ETV1: variants seen among roughly 807,000 people sequenced by gnomAD.
ETV1 encodes ETS translocation variant 1.
In ETV1, 27 loss-of-function variants were observed where a neutral mutation model predicts 62.3. The observed-to-expected ratio is 0.43, with a 90% CI of 0.32 to 0.60. The LOEUF (loss-of-function observed/expected upper bound fraction) is 0.60, where lower values mean the gene tolerates loss of function less well. Among genes scored for constraint, ETV1 ranks in the 20% least tolerant of loss-of-function variants. The pLI, the probability that ETV1 is intolerant of heterozygous loss-of-function variation, is 0.06. For missense variants in ETV1, 605 were observed against 605.8 expected (o/e 1.00, Z 0.01); for synonymous variants, 222 against 199.6 (o/e 1.11, Z -0.94).
Position 13,977,458 on chromosome 7 carries a change from C to T in ETV1, c.204G>A (p.Glu68=), listed in dbSNP as rs377305910. 1.8e-4 allele frequency: 273 copies of T among 1,547,134 alleles called. No homozygotes were observed. The highest frequency in any genetic ancestry group is 1.2e-3 in the Middle Eastern group (7 of 5,920). ...LAEAQVPDND[E]QFVPDYQAES... ...CAGCCTGATAGTCTGGTACAAACTG[C>T]TCATCATTGTCAGGTACCTGAGCTG... Residue 68 remains glutamate, a synonymous_variant, in exon 6 of 14, where the codon GAG becomes GAA. Coordinates refer to ENST00000430479, the MANE Select transcript of ETV1 (RefSeq NM_004956.5).
At chr7:13,928,652 A>C (rs998479729) in intron 9 of ETV1, among the ~76,000 whole-genome samples, 3 of 150,048 alleles carry the variant, frequency 2.0e-5, no homozygotes, top group African/African-American at 4.9e-5. Context: ...TCTTTTTGGT[A>C]TTATACATAT....
intron 5 of ETV1, among the ~76,000 whole-genome samples, chr7:13,978,213 G>A (rs933171679): frequency 2.0e-5 from 3 of 152,162 alleles, no homozygotes; most frequent in Middle Eastern, 3.4e-3. Context: ...GTCAAAAGAC[G>A]TTCCTATTTT....
At chr7:13,927,939 G>A (rs1295372954) in intron 9 of ETV1, among the ~76,000 whole-genome samples, 1 of 152,058 alleles carries the variant, frequency 6.6e-6, no homozygotes, top group Non-Finnish European at 1.5e-5. Flanking sequence ...AATTTAAAAG[G>A]GAGAATGCAA....
Position 13,985,088 on chromosome 7 carries a change from C to T in ETV1, c.181+1550G>A, listed in dbSNP as rs573724639. Among the ~76,000 whole-genome samples the T allele has an allele frequency of 6.6e-5, 10 of 152,108 alleles. No homozygotes were observed. The South Asian group carries it at 2.1e-3, about 32-fold the overall frequency. On this transcript the variant is annotated intron_variant, in intron 5 of 13. Coordinates refer to ENST00000430479, the MANE Select transcript of ETV1 (RefSeq NM_004956.5). ...ATTTAAACATCTAAGAACCAACAAA[C>T]CTTCCAGAACAATTAAAATAGATAT...
intron 9 of ETV1, among the ~76,000 whole-genome samples, chr7:13,921,301 T>C (rs1170405865): frequency 1.3e-5 from 2 of 152,208 alleles, no homozygotes; most frequent in African/African-American, 4.8e-5. Context: ...ATTGCTGCCC[T>C]GGAAATTACT....
At chr7:13,969,415 T>G (rs1780642173) in intron 6 of ETV1, among the ~76,000 whole-genome samples, 1 of 152,226 alleles carries the variant, frequency 6.6e-6, no homozygotes, top group Non-Finnish European at 1.5e-5. Context: ...AGAAACTGAT[T>G]GCCTCTATCA....
At chr7:13,977,103 T>C (rs1781523716) in intron 6 of ETV1, among the ~76,000 whole-genome samples, 1 of 152,194 alleles carries the variant, frequency 6.6e-6, no homozygotes, top group Admixed American at 6.5e-5. Flanking sequence ...GAAGTAAACA[T>C]GTGCATGTTC....
intron 12 of ETV1, 25 bp downstream of exon 12, chr7:13,906,405 C>T (rs775856362): frequency 6.9e-7 from 1 of 1,459,618 alleles, no homozygotes; most frequent in South Asian, 1.5e-5. Context: ...GTCTGAGTGT[C>T]CTAATTAAAA....
intron 12 of ETV1, among the ~76,000 whole-genome samples, chr7:13,904,690 C>A (rs992743611): frequency 1.3e-5 from 2 of 151,852 alleles, no homozygotes; most frequent in African/African-American, 4.8e-5. Context: ...TGATACAAAT[C>A]CCTGTAGAAA....
chr7:13,969,410 CTGAT>C (rs1190887346), intron 6 of ETV1, among the ~76,000 whole-genome samples: 1 of 152,084 alleles, frequency 6.6e-6, no homozygotes, highest in Non-Finnish European at 1.5e-5. Context: ...TTTCCAGAAA[CTGAT>C]TGCCTCTATC....
At chr7:13,931,373 A>G (rs977035302) in intron 9 of ETV1, 129 bp downstream of exon 9, 2 of 976,408 alleles carry the variant, frequency 2.0e-6, no homozygotes, top group African/African-American at 3.3e-5. Context: ...GTTTCAATGA[A>G]CGGACAAAAT....
At chr7:13,956,224 A>C (rs150906656) in intron 6 of ETV1, among the ~76,000 whole-genome samples, 17 of 152,252 alleles carry the variant, frequency 1.1e-4, no homozygotes, top group Admixed American at 1.0e-3. Flanking sequence ...TTTTCACCCT[A>C]TTTATAATAA....
intron 11 of ETV1, among the ~76,000 whole-genome samples, chr7:13,909,205 T>C (rs1783301242): frequency 6.6e-6 from 1 of 150,588 alleles, no homozygotes. Context: ...CTGTGTTCCA[T>C]AATGCATCTT....
rs549935001 is a variant in ETV1 at position 13,931,175 on chromosome 7, G to C, written c.802+327C>G. Among the ~76,000 whole-genome samples, 4 of 152,162 alleles carry C rather than the reference G, an allele frequency of 2.6e-5. No individual in the cohort carries two copies. The South Asian group carries it at 8.3e-4, about 32-fold the overall frequency. On this transcript the variant is annotated intron_variant, in intron 9 of 13. Transcript: ENST00000430479. ...AACATTTTTATTAAGTAGCACTGTA[G>C]TAGCAAAATAAGAAGAAAAAAAAGT...
intron 6 of ETV1, among the ~76,000 whole-genome samples, chr7:13,962,850 C>A (rs1790349301): frequency 6.6e-6 from 1 of 152,070 alleles, no homozygotes; most frequent in African/African-American, 2.4e-5. Flanking sequence ...GATAAATTTT[C>A]CATTTTTCTT....
chr7:13,927,807 A>T (rs961886761), intron 9 of ETV1, among the ~76,000 whole-genome samples: 1 of 152,210 alleles, frequency 6.6e-6, no homozygotes, highest in Admixed American at 6.5e-5. Context: ...TATTTATTTT[A>T]AATCCTGTCA....
rs1274578649 is a variant in ETV1, at chr7:13,900,778, C to T, written c.1172G>A (p.Arg391His). The T allele has an allele frequency of 3.7e-6, 6 of 1,611,536 alleles. No homozygotes were observed. Among genetic ancestry groups the T allele is most frequent in the Non-Finnish European group, 4.2e-6 (5 of 1,178,824 alleles). Residue 391 changes from arginine to histidine, a missense_variant, in exon 13 of 14, where the codon CGT (arginine) becomes CAT (histidine). Physicochemically the swap from Arg to His is conservative, Grantham distance 29 (BLOSUM62 0). Around this residue, in one of 3 missense-constraint regions of ETV1, gnomAD observed 100 missense variants for 156.4 expected, o/e 0.64. Transcript: ENST00000430479. ...RPAMNYDKLS[R>H]SLRYYYEKGI... ...TTTCTCATAGTAATAGCGGAGTGAA[C>T]GGCTAAGTTTATCATAGTTCATAGC...
chr7:13,973,282 C>A (rs1443677468), intron 6 of ETV1, among the ~76,000 whole-genome samples: 1 of 152,148 alleles, frequency 6.6e-6, no homozygotes, highest in Non-Finnish European at 1.5e-5. Flanking sequence ...TGCAAGGAAA[C>A]CTGATTACTC....
chr7:13,908,501 T>A, intron 11 of ETV1, among the ~76,000 whole-genome samples: 1 of 152,162 alleles, frequency 6.6e-6, no homozygotes, highest in Admixed American at 6.5e-5. Context: ...CTGCTAATGT[T>A]GCTAAATAGT....
Sources: gnomAD v4.1 joint callset for allele counts (sites outside exome capture counted in the v4.1 genomes callset) on GRCh38, gnomAD v4.1.1 for gene constraint, gnomAD v4.1.1 regional missense constraint, MANE v1.5 for transcripts, NCBI Gene and HGNC (gene_info 2026-07-23, HGNC 2026-07-21) for gene names.